Variants in VSNL1 observed in about 807,000 individuals in gnomAD.
VSNL1 encodes visinin like 1.
In VSNL1, 6 loss-of-function variants were observed where a neutral mutation model predicts 20.4. The ratio of observed to expected loss-of-function variants is 0.29; its 90% CI spans 0.16 to 0.58. The LOEUF (loss-of-function observed/expected upper bound fraction) is 0.58, where lower values mean the gene tolerates loss of function less well. Among genes scored for constraint, VSNL1 ranks in the 20% least tolerant of loss-of-function variants. VSNL1 has a pLI of 0.90. For synonymous variants in VSNL1, 93 were observed against 86.4 expected, an observed-to-expected ratio of 1.08 and a Z score of -0.42; for missense variants, 100 against 234.5, an observed-to-expected ratio of 0.43 and a Z score of 3.75.
Position 17,641,467 on chromosome 2 carries a change from T to C in VSNL1, c.163-7943T>C, listed in dbSNP as rs184782323. Among the ~76,000 whole-genome samples, 7 of 152,354 alleles carry C rather than the reference T, an allele frequency of 4.6e-5. No homozygotes were observed. The East Asian group carries it at 1.3e-3, about 29-fold the overall frequency. The stretch of plus-strand genomic sequence containing the variant: ...ACAATTTCCAAAGTGTAATTTGTTA[T>C]TGACATCCTAGTTTCATAACAAAGA... On this transcript the variant is annotated intron_variant, in intron 2 of 3. Transcript: ENST00000295156.
At position 17,655,268 on chromosome 2, in the gene VSNL1, A is replaced by G; in HGVS notation, c.450A>G (p.Arg150=). The change falls in exon 4 of 4, where the codon CGA becomes CGG. Residue 150 remains arginine, a synonymous_variant. Transcript: ENST00000295156. The surrounding 1 kb of genome is among the most constrained non-coding windows in gnomAD (Gnocchi z 5.2). ...AGGATGGCCTGACGCCTGAGCAGCGAGTAGACAAGATTTTCAGCAAGATGG... is the reference window on the plus strand; with the variant it reads ...AGGATGGCCTGACGCCTGAGCAGCGGGTAGACAAGATTTTCAGCAAGATGG... ...MNEDGLTPEQ[R]VDKIFSKMDK... 1 of 1,614,182 alleles carries G rather than the reference A, an allele frequency of 6.2e-7. No individual in the cohort carries two copies. The highest frequency in any genetic ancestry group is 8.5e-7 in the Non-Finnish European group (1 of 1,180,036).
intron 2 of VSNL1, among the ~76,000 whole-genome samples, chr2:17,647,951 G>A (rs1666033960): frequency 6.6e-6 from 1 of 152,120 alleles, no homozygotes; most frequent in Non-Finnish European, 1.5e-5. Context: ...GGGAATGAGG[G>A]AACATAAGAG....
rs201928804 is a variant in VSNL1 at position 17,609,284 on chromosome 2, T to C, written c.162+17048T>C. On this transcript the variant is annotated intron_variant, in intron 2 of 3. Transcript: ENST00000295156. ...GAAGACAGAGGAGTAGGGGAGCATG[T>C]CCTTCCCCTCAGGGTCAAGACCCAG... Among the ~76,000 whole-genome samples, 16 of 152,286 alleles carry C rather than the reference T, an allele frequency of 1.1e-4. No individual in the cohort carries two copies. The East Asian group carries it at 3.1e-3, about 29-fold the overall frequency.
In VSNL1 at chr2:17,595,871, A is replaced by G. The variant is rs139774673; in HGVS notation, c.162+3635A>G. On this transcript the variant is annotated intron_variant, in intron 2 of 3. Coordinates refer to ENST00000295156, the MANE Select transcript of VSNL1 (RefSeq NM_003385.5). ...AGTGCATTCTTTAAAATTTGTATTT[A>G]CTTTAGAATCTTTTGAGACTTGCTT... 3.8e-3 allele frequency among the ~76,000 whole-genome samples: 578 copies of G among 152,312 alleles called. 5 individuals carry two copies. The highest frequency in any genetic ancestry group is 0.013 in the African/African-American group (543 of 41,562).
chr2:17,648,990 T>C (rs1167815991), intron 2 of VSNL1, among the ~76,000 whole-genome samples: 1 of 152,182 alleles, frequency 6.6e-6, no homozygotes, highest in East Asian at 1.9e-4. Flanking sequence ...CTGGCCCTAC[T>C]GGGCAGCGAT....
At position 17,655,163 on chromosome 2, in the gene VSNL1, T is replaced by C. The variant is rs1453011816; in HGVS notation, c.379-34T>C. 1.9e-6 allele frequency: 3 copies of C among 1,607,932 alleles called. No homozygotes were observed. Among genetic ancestry groups the C allele is most frequent in the South Asian group, 1.1e-5 (1 of 90,718 alleles). On this transcript the variant is annotated intron_variant, in intron 3 of 3. Transcript: ENST00000295156. The surrounding 1 kb of genome is among the most constrained non-coding windows in gnomAD (Gnocchi z 5.2). ...AGAGCTCTCTGTCCTCCTGGGTTTC[T>C]GGTAATATCACCTACAATGCTTTTT... is the stretch of plus-strand genomic sequence containing the variant.
chr2:17,543,103 A>G (rs1343811882), intron 1 of VSNL1, among the ~76,000 whole-genome samples: 10 of 151,756 alleles, frequency 6.6e-5, no homozygotes, highest in African/African-American at 1.2e-4. Flanking sequence ...CTTTTATACC[A>G]CCTCATTTCT....
At chr2:17,570,429 C>T (rs953126340) in intron 1 of VSNL1, among the ~76,000 whole-genome samples, 59 of 152,194 alleles carry the variant, frequency 3.9e-4, no homozygotes, top group African/African-American at 1.0e-3. Context: ...TTATGAAATA[C>T]CTGAAAATTT....
chr2:17,605,670 C>A, intron 2 of VSNL1, among the ~76,000 whole-genome samples: 1 of 152,176 alleles, frequency 6.6e-6, no homozygotes, highest in South Asian at 2.1e-4. Flanking sequence ...GGGACAGGAT[C>A]ACATTTGACA....
intron 2 of VSNL1, among the ~76,000 whole-genome samples, chr2:17,646,685 T>G (rs1000704709): frequency 7.9e-5 from 12 of 152,196 alleles, no homozygotes; most frequent in Admixed American, 7.9e-4. Context: ...ATTACTGCCA[T>G]CGAATATTAC....
At chr2:17,633,552 G>C (rs531812628) in intron 2 of VSNL1, among the ~76,000 whole-genome samples, 1 of 151,672 alleles carries the variant, frequency 6.6e-6, no homozygotes, top group African/African-American at 2.4e-5. Context: ...AGTAAGAGCC[G>C]AATGTGATGG....
At chr2:17,603,698 G>C (rs1030273459) in intron 2 of VSNL1, among the ~76,000 whole-genome samples, 4 of 152,250 alleles carry the variant, frequency 2.6e-5, no homozygotes, top group Non-Finnish European at 5.9e-5. Context: ...AAGGCGATCA[G>C]ATGGTTTTCT....
intron 2 of VSNL1, among the ~76,000 whole-genome samples, chr2:17,644,433 C>T (rs1044763636): frequency 1.3e-5 from 2 of 152,182 alleles, no homozygotes; most frequent in Admixed American, 6.5e-5. Flanking sequence ...AGCAGCCTGA[C>T]AGTGCACGAG....
chr2:17,633,985 G>C (rs1390636353), intron 2 of VSNL1, among the ~76,000 whole-genome samples: 2 of 152,200 alleles, frequency 1.3e-5, no homozygotes, highest in Non-Finnish European at 2.9e-5. Context: ...CCATGGATCG[G>C]CACCAGCTTG....
At chr2:17,550,577 G>A (rs1663510493) in intron 1 of VSNL1, among the ~76,000 whole-genome samples, 1 of 152,162 alleles carries the variant, frequency 6.6e-6, no homozygotes, top group African/African-American at 2.4e-5. Context: ...TCCTACTGGG[G>A]TTAAGAGAAG....
intron 1 of VSNL1, among the ~76,000 whole-genome samples, chr2:17,573,677 T>TA (rs1346670158): frequency 6.6e-6 from 1 of 152,322 alleles, no homozygotes; most frequent in African/African-American, 2.4e-5. Context: ...TCCATTGCCT[T>TA]ATGCTTCTCT....
At chr2:17,645,480 TA>T (rs1665972006) in intron 2 of VSNL1, among the ~76,000 whole-genome samples, 1 of 152,192 alleles carries the variant, frequency 6.6e-6, no homozygotes, top group African/African-American at 2.4e-5. Flanking sequence ...AGGGCTGGGA[TA>T]GGGGTGCAGA....
At position 17,592,640 on chromosome 2, in the gene VSNL1, CTTTTTTTTTTTTTTTTT is replaced by C. The variant is rs55756596; in HGVS notation, c.162+427_162+443del. 8.3e-3 allele frequency among the ~76,000 whole-genome samples: 590 copies of C among 70,888 alleles called. 22 individuals are homozygous for C. Among genetic ancestry groups the C allele is most frequent in the African/African-American group, 0.027 (540 of 20,376 alleles). 46.5% of individuals were successfully genotyped at this position (70,888 alleles called of 152,430 possible). On this transcript the variant is annotated intron_variant, in intron 2 of 3. Transcript: ENST00000295156. Reference sequence around the variant, plus strand: ...AAGAGGGCTTTTTCTCTCTCTCTCTCTTTTTTTTTTTTTTTTTTTTTTTTTTTTTTTTTTTTTTTACC... The same window carrying C: ...AAGAGGGCTTTTTCTCTCTCTCTCTCTTTTTTTTTTTTTTTTTTTTTTACC...
At chr2:17,611,352 G>T (rs1482459860) in intron 2 of VSNL1, among the ~76,000 whole-genome samples, 2 of 152,220 alleles carry the variant, frequency 1.3e-5, no homozygotes, top group African/African-American at 4.8e-5. Context: ...TGTGACAAAT[G>T]ACATAAACCA....
Sources: allele counts gnomAD v4.1 joint callset (sites outside exome capture counted in the v4.1 genomes callset), GRCh38; gene constraint gnomAD v4.1.1; non-coding constraint Gnocchi (gnomAD v3.1); transcripts MANE v1.5; gene names NCBI Gene and HGNC (gene_info 2026-07-23, HGNC 2026-07-21).